ATP6V0E1: variants seen among roughly 807,000 people sequenced by gnomAD.
ATP6V0E1 encodes ATPase H+ transporting V0 subunit e1.
ATP6V0E1 carries 4 observed loss-of-function variants against 11.6 expected under a neutral mutation model. That is an observed-to-expected ratio of 0.35 (90% CI 0.17 to 0.79). ATP6V0E1 has a LOEUF of 0.79. ATP6V0E1 is among the 30% of genes least tolerant of loss of function. The pLI is 0.54. For missense variants in ATP6V0E1, 105 were observed against 100.0 expected, an observed-to-expected ratio of 1.05 and a Z score of -0.21; for synonymous variants, 36 against 34.8, an observed-to-expected ratio of 1.04 and a Z score of -0.13.
rs111523340 is a variant in ATP6V0E1 at position 173,019,184 on chromosome 5, G to T, written c.153-1054G>T. Among the ~76,000 whole-genome samples, 564 of 152,224 alleles carry T rather than the reference G, an allele frequency of 3.7e-3. 2 individuals are homozygous for T. The highest frequency in any genetic ancestry group is 0.013 in the African/African-American group (540 of 41,550). On this transcript the variant is annotated intron_variant, in intron 2 of 3. Coordinates refer to ENST00000519374, the MANE Select transcript of ATP6V0E1 (RefSeq NM_003945.4). ...TTGCCCAGACTGGTCATCAACTCCTGGCTTCGAGTGATCCTTATCCTCCCA... is the reference window on the plus strand; with the variant it reads ...TTGCCCAGACTGGTCATCAACTCCTTGCTTCGAGTGATCCTTATCCTCCCA...
intron 3 of ATP6V0E1, chr5:173,020,665 G>T: frequency 1.9e-6 from 1 of 527,706 alleles, no homozygotes; most frequent in South Asian, 1.4e-5. Flanking sequence ...GTTTATACTT[G>T]GCATTGTGAG....
chr5:172,983,858 A>T lies in ATP6V0E1; in HGVS notation c.-3A>T. On this transcript the variant is annotated 5_prime_UTR_variant, in exon 1 of 4. Coordinates refer to ENST00000519374, the MANE Select transcript of ATP6V0E1 (RefSeq NM_003945.4). ...GGTAGGGGTTGGCGCTCAGGCGGCG[A>T]CCATGGCGTATCACGGCCTCACTGT... is the stretch of plus-strand genomic sequence containing the variant. 6.2e-7 allele frequency: 1 copy of T among 1,613,618 alleles called. No homozygotes were observed. Among genetic ancestry groups the T allele is most frequent in the Non-Finnish European group, 8.5e-7 (1 of 1,179,750 alleles).
intron 3 of ATP6V0E1, among the ~76,000 whole-genome samples, chr5:173,021,473 T>C (rs1468606789): frequency 1.3e-5 from 2 of 152,150 alleles, no homozygotes; most frequent in African/African-American, 4.8e-5. Context: ...GTGAGACTTA[T>C]TCACTACCAT....
intron 1 of ATP6V0E1, among the ~76,000 whole-genome samples, chr5:172,992,217 A>AT (rs796226178): frequency 1.8e-4 from 27 of 151,952 alleles, no homozygotes; most frequent in African/African-American, 6.3e-4. Flanking sequence ...CGCCCGGCTA[A>AT]TTTTTTTGTA....
At chr5:173,016,772 G>A (rs993878962) in intron 2 of ATP6V0E1, among the ~76,000 whole-genome samples, 4 of 152,142 alleles carry the variant, frequency 2.6e-5, no homozygotes, top group African/African-American at 4.8e-5. Flanking sequence ...CAGTGTGTCC[G>A]CCTGTGCTGT....
intron 3 of ATP6V0E1, among the ~76,000 whole-genome samples, chr5:173,031,193 C>T (rs2113617481): frequency 6.6e-6 from 1 of 151,948 alleles, no homozygotes; most frequent in South Asian, 2.1e-4. Context: ...ATCTGCCCGC[C>T]TCGGCTTCCC....
chr5:172,992,340 T>C (rs886649601), intron 1 of ATP6V0E1, among the ~76,000 whole-genome samples: 6 of 152,146 alleles, frequency 3.9e-5, no homozygotes, highest in Non-Finnish European at 7.4e-5. Flanking sequence ...CGTGAGCCAC[T>C]GCGCCCGGCC....
At chr5:173,027,630 G>C (rs1756584301) in intron 3 of ATP6V0E1, among the ~76,000 whole-genome samples, 1 of 151,536 alleles carries the variant, frequency 6.6e-6, no homozygotes, top group Non-Finnish European at 1.5e-5. Flanking sequence ...TTTTGTTTTT[G>C]TTTTAATAGA....
At chr5:172,985,803 T>C (rs939178928) in intron 1 of ATP6V0E1, among the ~76,000 whole-genome samples, 13 of 152,218 alleles carry the variant, frequency 8.5e-5, no homozygotes, top group African/African-American at 2.2e-4. Flanking sequence ...TAGTGATATA[T>C]AGACATGTGT....
At position 172,999,077 on chromosome 5, in the gene ATP6V0E1, A is replaced by G. The variant is rs142921599; in HGVS notation, c.152+4255A>G. Among the ~76,000 whole-genome samples the G allele has an allele frequency of 9.2e-3, 1,397 of 152,150 alleles. 41 individuals are homozygous for G. Among genetic ancestry groups the G allele is most frequent in the East Asian group, 0.05 (256 of 5,158 alleles). On this transcript the variant is annotated intron_variant, in intron 2 of 3. Coordinates refer to ENST00000519374, the MANE Select transcript of ATP6V0E1 (RefSeq NM_003945.4). ...CTTGAAACTGGGAGGCAGAGGTTGC[A>G]GTGAGCCGAGATTGTGCCATTGCAC...
intron 3 of ATP6V0E1, among the ~76,000 whole-genome samples, chr5:173,027,052 G>A (rs1203911384): frequency 6.6e-6 from 1 of 151,300 alleles, no homozygotes; most frequent in Admixed American, 6.6e-5. Flanking sequence ...GGTGGCAGAC[G>A]CCTGTAGTCC....
intron 2 of ATP6V0E1, among the ~76,000 whole-genome samples, chr5:173,004,615 T>G (rs182363221): frequency 1.2e-3 from 187 of 152,260 alleles, no homozygotes; most frequent in Admixed American, 3.1e-3. Flanking sequence ...AGTCTGGGGA[T>G]GGGGTCATAA....
chr5:172,983,776 C>A lies in ATP6V0E1; in HGVS notation c.-85C>A, dbSNP rs955739029. On this transcript the variant is annotated 5_prime_UTR_variant, in exon 1 of 4. Coordinates refer to ENST00000519374, the MANE Select transcript of ATP6V0E1 (RefSeq NM_003945.4). ...GGGCGCGGGAGGCGGGGCTTGCACA[C>A]GCTGGTCACGCGGTCAGCTATTGAC... The A allele has an allele frequency of 2.2e-6, 3 of 1,361,080 alleles. No homozygotes were observed. The highest frequency in any genetic ancestry group is 3.1e-6 in the Non-Finnish European group (3 of 960,538). The allele number at this position is 1,361,080 out of a possible 1,614,324, so 84.3% of individuals were successfully genotyped here.
At chr5:172,995,345 G>A (rs375041982) in intron 2 of ATP6V0E1, among the ~76,000 whole-genome samples, 8 of 152,078 alleles carry the variant, frequency 5.3e-5, no homozygotes, top group Admixed American at 6.6e-5. Flanking sequence ...CAAGTGATCC[G>A]CCTGCCTTAG....
At chr5:172,996,367 G>T (rs1008573327) in intron 2 of ATP6V0E1, among the ~76,000 whole-genome samples, 1 of 151,960 alleles carries the variant, frequency 6.6e-6, no homozygotes, top group Non-Finnish European at 1.5e-5. Flanking sequence ...AGACCAGCCT[G>T]GCCAACATGG....
In ATP6V0E1 at chr5:173,034,814, G is replaced by T. The variant is rs15179; in HGVS notation, c.*452G>T. On this transcript the variant is annotated 3_prime_UTR_variant, in exon 4 of 4. Transcript: ENST00000519374. ...AGGGAAGAGCCATCTCAACAGAATC[G>T]CACCAAACTATACTTTCAGGATGAA... 1 of 194,456 alleles carries T rather than the reference G, an allele frequency of 5.1e-6. No homozygotes were observed. The highest frequency in any genetic ancestry group is 1.0e-5 in the Non-Finnish European group (1 of 95,846). 12.0% of individuals were successfully genotyped at this position (194,456 alleles called of 1,614,324 possible).
chr5:173,021,037 C>T (rs1333208130), intron 3 of ATP6V0E1: 1 of 420,572 alleles, frequency 2.4e-6, no homozygotes, highest in East Asian at 6.6e-5. Flanking sequence ...TTATATTTGG[C>T]TCGCAGTTCT....
rs144777651 is a variant in ATP6V0E1, at chr5:173,004,593, T to C, written c.152+9771T>C. ...ACCATTGTTACATCAAATAGTGAGA[T>C]GAGTGCGGAGCAGTCTGGGGATGGG... On this transcript the variant is annotated intron_variant, in intron 2 of 3. Transcript: ENST00000519374. 6.5e-3 allele frequency among the ~76,000 whole-genome samples: 996 copies of C among 152,270 alleles called. 7 individuals are homozygous for C. The highest frequency in any genetic ancestry group is 0.031 in the South Asian group (150 of 4,814).
intron 1 of ATP6V0E1, among the ~76,000 whole-genome samples, chr5:172,992,699 T>C (rs1344901781): frequency 1.3e-5 from 2 of 152,208 alleles, no homozygotes; most frequent in Admixed American, 6.5e-5. Flanking sequence ...CCATCTGGCA[T>C]ATATAGGTAG....
Sources: gnomAD v4.1 joint callset for allele counts (sites outside exome capture counted in the v4.1 genomes callset) on GRCh38, gnomAD v4.1.1 for gene constraint, MANE v1.5 for transcripts, NCBI Gene and HGNC (gene_info 2026-07-23, HGNC 2026-07-21) for gene names.